PCDHA6: variants seen among roughly 807,000 people sequenced by gnomAD.
PCDHA6 encodes protocadherin alpha 6.
PCDHA6 carries 55 observed loss-of-function variants against 60.3 expected under a neutral mutation model. The ratio of observed to expected loss-of-function variants is 0.91; its 90% CI spans 0.73 to 1.14. The LOEUF (loss-of-function observed/expected upper bound fraction) is 1.14. Ranked by LOEUF, PCDHA6 falls within the 50% of genes most tolerant of loss-of-function variation. The probability of loss-of-function intolerance (pLI) is 0.00; values close to 1 mark genes in which losing one functional copy is unlikely to be tolerated. For missense variants in PCDHA6, 1,327 were observed against 1,256.5 expected (o/e 1.06, Z -0.85); for synonymous variants, 652 against 557.9 (o/e 1.17, Z -2.38).
intron 1 of PCDHA6, among the ~76,000 whole-genome samples, chr5:140,832,359 G>A (rs2150201276): frequency 9.9e-5 from 15 of 152,276 alleles, no homozygotes; most frequent in African/African-American, 3.4e-4. Context: ...TTCCTAATGT[G>A]AGCATTTTCC....
rs2150223480 is a variant in PCDHA6 at position 140,834,653 on chromosome 5, C to A, written c.2394+4168C>A. 5.0e-6 allele frequency: 8 copies of A among 1,614,072 alleles called. No individual in the cohort carries two copies. The Admixed American group carries it at 1.3e-4, about 27-fold the overall frequency. On this transcript the variant is annotated intron_variant, in intron 1 of 3. Coordinates refer to ENST00000529310, the MANE Select transcript of PCDHA6 (RefSeq NM_018909.4). The stretch of plus-strand genomic sequence containing the variant: ...GCATTTTGTTTGTGAATTCTCGGAT[C>A]GACCGCGAGGAGCTGTGCGGGCGGA...
chr5:140,851,390 C>T (rs1410826615), intron 1 of PCDHA6: 3 of 973,626 alleles, frequency 3.1e-6, no homozygotes, highest in East Asian at 2.2e-4. Flanking sequence ...CCTTCAGTAT[C>T]TATTATTTTA....
Position 140,946,631 on chromosome 5 carries a change from T to TATATATATATATATACAC in PCDHA6, c.2395-32317_2395-32316insTATATATATATATACACA, listed in dbSNP as rs57893927. 8.0e-4 allele frequency among the ~76,000 whole-genome samples: 106 copies of TATATATATATATATACAC among 131,838 alleles called. 2 individuals carry two copies. The East Asian group carries it at 0.018, about 23-fold the overall frequency. 86.5% of individuals were successfully genotyped at this position (131,838 alleles called of 152,430 possible). A position where few individuals can be genotyped will look rare whatever the true frequency, so the allele number is the denominator to read the frequency against. On this transcript the variant is annotated intron_variant, in intron 1 of 3. Transcript: ENST00000529310. ...TGTGAAATATATATATATATATATA[T>TATATATATATATATACAC]ACAATGGAATACTCATCAGCCATTA...
chr5:141,004,350 G>A (rs2098163029), intron 3 of PCDHA6, among the ~76,000 whole-genome samples: 1 of 152,192 alleles, frequency 6.6e-6, no homozygotes, highest in South Asian at 2.1e-4. Context: ...GTGAGGGACT[G>A]GAGAGACCAC....
chr5:140,946,457 C>T (rs1480427132), intron 1 of PCDHA6, among the ~76,000 whole-genome samples: 2 of 151,612 alleles, frequency 1.3e-5, no homozygotes, highest in Non-Finnish European at 3.0e-5. Flanking sequence ...AACTATCCAG[C>T]AATCCCACTA....
rs2150184149 is a variant in PCDHA6 at position 140,830,279 on chromosome 5, G to A, written c.2188G>A (p.Gly730Ser). 1 of 1,613,822 alleles carries A rather than the reference G, an allele frequency of 6.2e-7. No homozygotes were observed. Among genetic ancestry groups the A allele is most frequent in the Non-Finnish European group, 8.5e-7 (1 of 1,179,858 alleles). The change falls in exon 1 of 4, where the codon GGC (glycine) becomes AGC (serine). Residue 730 changes from glycine (G) to serine (S), a missense_variant. Gly to Ser is a moderately conservative substitution (Grantham distance 56, BLOSUM62 0). Coordinates refer to ENST00000529310, the MANE Select transcript of PCDHA6 (RefSeq NM_018909.4). ...GCGGTGCTCGGCGCCACCCACCGAG[G>A]GCGCGTGCACGGCGGACAAGCCCAC... is the stretch of plus-strand genomic sequence containing the variant. The part of the protein sequence containing the change: ...ALRCSAPPTE[G>S]ACTADKPTLV...
intron 1 of PCDHA6, chr5:140,852,983 A>T (rs1409156147): frequency 3.0e-6 from 1 of 337,908 alleles, no homozygotes; most frequent in Non-Finnish European, 4.4e-6. Context: ...TGTTCACGCC[A>T]TTCTCCTGCC....
intron 1 of PCDHA6, among the ~76,000 whole-genome samples, chr5:140,915,956 A>G (rs1170172761): frequency 6.6e-6 from 1 of 151,996 alleles, no homozygotes; most frequent in African/African-American, 2.4e-5. Flanking sequence ...ATACTTAGAA[A>G]TTTGCCTGAT....
At position 140,885,065 on chromosome 5, in the gene PCDHA6, T is replaced by TA. The variant is rs1440762512; in HGVS notation, c.2394+54581dup. ...TTAATGTATACATATACCCACAAGATATTATTTTAAAGAGCCCCATAACTT... is the reference window on the plus strand; with the variant it reads ...TTAATGTATACATATACCCACAAGATAATTATTTTAAAGAGCCCCATAACTT... On this transcript the variant is annotated intron_variant, in intron 1 of 3. Coordinates refer to ENST00000529310, the MANE Select transcript of PCDHA6 (RefSeq NM_018909.4). Among the ~76,000 whole-genome samples the TA allele has an allele frequency of 7.2e-5, 11 of 152,294 alleles. 1 individual carries two copies. Among genetic ancestry groups the TA allele is most frequent in the African/African-American group, 2.6e-4 (11 of 41,580 alleles).
At chr5:140,867,027 C>T (rs1043288554) in intron 1 of PCDHA6, 4 of 152,102 alleles carry the variant, frequency 2.6e-5, no homozygotes, top group Non-Finnish European at 5.9e-5. Context: ...ATATCAAACT[C>T]TTTTATGACT....
chr5:140,953,851 GC>G (rs1458424600), intron 1 of PCDHA6, among the ~76,000 whole-genome samples: 6 of 152,108 alleles, frequency 3.9e-5, no homozygotes, highest in African/African-American at 1.2e-4. Context: ...GTAAACATGT[GC>G]CATGGTGGTT....
intron 1 of PCDHA6, among the ~76,000 whole-genome samples, chr5:140,961,780 C>T (rs1192795559): frequency 6.6e-6 from 1 of 152,052 alleles, no homozygotes; most frequent in African/African-American, 2.4e-5. Flanking sequence ...AGCTTAATGG[C>T]ACTTTTTAAA....
intron 3 of PCDHA6, among the ~76,000 whole-genome samples, chr5:140,986,303 A>G (rs2097193977): frequency 6.6e-6 from 1 of 152,166 alleles, no homozygotes; most frequent in South Asian, 2.1e-4. Context: ...CAGAGAGAGA[A>G]AATTAGCTAA....
intron 1 of PCDHA6, chr5:140,966,810 G>C (rs1290992432): frequency 3.2e-6 from 5 of 1,548,566 alleles, no homozygotes; most frequent in Non-Finnish European, 4.3e-6. Context: ...GAGCATCCAC[G>C]GCTCCGGCGG....
At chr5:140,911,037 C>A (rs1432446373) in intron 1 of PCDHA6, among the ~76,000 whole-genome samples, 3 of 152,012 alleles carry the variant, frequency 2.0e-5, no homozygotes, top group Non-Finnish European at 4.4e-5. Context: ...GGTCTAGAAG[C>A]AAACAGGGGT....
intron 1 of PCDHA6, chr5:140,876,199 G>A (rs1343468592): frequency 6.2e-7 from 1 of 1,613,822 alleles, no homozygotes; most frequent in African/African-American, 1.3e-5. Context: ...TCCGGCGTTT[G>A]ATAAGCCCAG....
Position 140,883,352 on chromosome 5 carries a change from G to A in PCDHA6, c.2394+52867G>A, listed in dbSNP as rs1554177776. ...TTCTTTGTCACTCCCCATCAGAGAA[G>A]ACACTCAGCCTAGCGCCATTATTGC... is the stretch of plus-strand genomic sequence containing the variant. On this transcript the variant is annotated intron_variant, in intron 1 of 3. Coordinates refer to ENST00000529310, the MANE Select transcript of PCDHA6 (RefSeq NM_018909.4). The A allele has an allele frequency of 1.9e-6, 3 of 1,614,164 alleles. No homozygotes were observed. In the East Asian group the frequency reaches 6.7e-5, roughly 36 times the overall value.
rs2150168198 is a variant in PCDHA6, at chr5:140,829,450, G to T, written c.1359G>T (p.Pro453=). 6.2e-7 allele frequency: 1 copy of T among 1,613,936 alleles called. No homozygotes were observed. Among genetic ancestry groups the T allele is most frequent in the Non-Finnish European group, 8.5e-7 (1 of 1,180,034 alleles). The change falls in exon 1 of 4, where the codon CCG becomes CCT. Residue 453 remains proline, a synonymous_variant. Transcript: ENST00000529310. Reference sequence around the variant, plus strand: ...TGGCCGACATGAATGACAATGCTCCGGCGTTCGCGCAGCCCGAGTACACAG... The same window carrying T: ...TGGCCGACATGAATGACAATGCTCCTGCGTTCGCGCAGCCCGAGTACACAG... ...VEVADMNDNA[P]AFAQPEYTVF...
At chr5:140,871,802 T>G (rs2053316499) in intron 1 of PCDHA6, among the ~76,000 whole-genome samples, 1 of 152,178 alleles carries the variant, frequency 6.6e-6, no homozygotes, top group South Asian at 2.1e-4. Context: ...TAATTACTAT[T>G]TTCACTAAAG....
Sources: allele counts gnomAD v4.1 joint callset (sites outside exome capture counted in the v4.1 genomes callset), GRCh38; gene constraint gnomAD v4.1.1; transcripts MANE v1.5; gene names NCBI Gene and HGNC (gene_info 2026-07-23, HGNC 2026-07-21).